The following NCAPH variants were observed in gnomAD, a reference collection of about 807,000 sequenced individuals.
NCAPH encodes the protein condensin complex subunit 2.
Under a neutral mutation model 85.5 loss-of-function variants are expected in NCAPH, and 38 were observed. The observed-to-expected ratio is 0.44, with a 90% CI of 0.34 to 0.58. The LOEUF (loss-of-function observed/expected upper bound fraction) is 0.58. Among genes scored for constraint, NCAPH ranks in the 20% least tolerant of loss-of-function variants. NCAPH has a pLI of 0.01. For missense variants in NCAPH, 789 were observed against 916.6 expected (o/e 0.86, Z 1.80); for synonymous variants, 301 against 335.1 (o/e 0.90, Z 1.11).
At position 96,364,567 on chromosome 2, in the gene NCAPH, C is replaced by T. The variant is rs752252143; in HGVS notation, c.1674C>T (p.Thr558=). 1.3e-5 allele frequency: 21 copies of T among 1,612,824 alleles called. No homozygotes were observed. Among genetic ancestry groups the T allele is most frequent in the Admixed American group, 3.3e-5 (2 of 60,008 alleles). The change falls in exon 13 of 18, where the codon ACC becomes ACT. Residue 558 remains threonine, a synonymous_variant. Transcript: ENST00000240423. ...ATGATTACAACAACCCTAACGACACCTCCAACTTTTGCCCTGGATTACAGG... is the reference window on the plus strand; with the variant it reads ...ATGATTACAACAACCCTAACGACACTTCCAACTTTTGCCCTGGATTACAGG... ...EDYDYNNPND[T]SNFCPGLQAA...
At chr2:96,371,131 C>T (rs1258957198) in intron 17 of NCAPH, among the ~76,000 whole-genome samples, 1 of 152,144 alleles carries the variant, frequency 6.6e-6, no homozygotes, top group Admixed American at 6.5e-5. Flanking sequence ...AGTGGCTCTG[C>T]TGAGGATATA....
chr2:96,336,766 C>G (rs1242371024), intron 1 of NCAPH, among the ~76,000 whole-genome samples: 2 of 152,148 alleles, frequency 1.3e-5, no homozygotes, highest in Non-Finnish European at 2.9e-5. Context: ...ATACCATTAT[C>G]ATATAGACCA....
At chr2:96,342,961 T>G in intron 4 of NCAPH, 113 bp downstream of exon 4, 1 of 1,148,670 alleles carries the variant, frequency 8.7e-7, no homozygotes, top group Non-Finnish European at 1.3e-6. Flanking sequence ...CATTTAGATG[T>G]TATGTTAGTT....
chr2:96,348,325 G>A (rs1419462630), intron 6 of NCAPH, among the ~76,000 whole-genome samples: 4 of 151,844 alleles, frequency 2.6e-5, no homozygotes, highest in Non-Finnish European at 5.9e-5. Flanking sequence ...GAGTAGCTGG[G>A]ACTACAGGCA....
At chr2:96,362,228 A>C (rs2064634326) in intron 12 of NCAPH, among the ~76,000 whole-genome samples, 1 of 150,492 alleles carries the variant, frequency 6.6e-6, no homozygotes, top group Non-Finnish European at 1.5e-5. Flanking sequence ...TCAGAAAAGC[A>C]AAACAAAAAA....
rs1203614949 is a variant in NCAPH, at chr2:96,354,173, G to A, written c.1003-10G>A. ...AATGAGAATTACAGAACCCTCTTTTGTCCCTCCAGTCTGTGTCGGCCCTGG... is the reference window on the plus strand; with the variant it reads ...AATGAGAATTACAGAACCCTCTTTTATCCCTCCAGTCTGTGTCGGCCCTGG... On this transcript the variant is annotated splice_polypyrimidine_tract_variant and intron_variant, in intron 8 of 17. Transcript: ENST00000240423. The A allele has an allele frequency of 6.2e-7, 1 of 1,611,712 alleles. No homozygotes were observed. Among genetic ancestry groups the A allele is most frequent in the Admixed American group, 1.7e-5 (1 of 59,814 alleles).
Position 96,346,544 on chromosome 2 carries a change from T to C in NCAPH, c.720+2315T>C, listed in dbSNP as rs543739605. ...AGGGACACTGGAGGAGGTGAGTGCA[T>C]GTGTAAAGGTGTGGTTGCATTCACT... is the stretch of plus-strand genomic sequence containing the variant. On this transcript the variant is annotated intron_variant, in intron 6 of 17. Coordinates refer to ENST00000240423, the MANE Select transcript of NCAPH (RefSeq NM_015341.5). Among the ~76,000 whole-genome samples, 4 of 152,066 alleles carry C rather than the reference T, an allele frequency of 2.6e-5. No homozygotes were observed. In the South Asian group the frequency reaches 8.3e-4, roughly 32 times the overall value.
intron 6 of NCAPH, among the ~76,000 whole-genome samples, chr2:96,345,256 AGTGGGG>A (rs1248557479): frequency 6.6e-6 from 1 of 152,152 alleles, no homozygotes; most frequent in Non-Finnish European, 1.5e-5. Flanking sequence ...ATGAGCTTGG[AGTGGGG>A]GCCCCTCTGA....
intron 11 of NCAPH, 92 bp from the exon 12 acceptor site, chr2:96,360,496 T>C (rs2064590652): frequency 2.8e-6 from 4 of 1,443,202 alleles, no homozygotes; most frequent in Non-Finnish European, 3.8e-6. Context: ...AGACTCATGC[T>C]GCCCAAACCC....
chr2:96,336,815 G>A (rs137962549), intron 1 of NCAPH, among the ~76,000 whole-genome samples: 4 of 152,312 alleles, frequency 2.6e-5, no homozygotes, highest in Non-Finnish European at 4.4e-5. Context: ...AGAACACTAG[G>A]AAGGCCCTGC....
chr2:96,341,806 A>G lies in NCAPH; in HGVS notation c.184A>G (p.Lys62Glu), dbSNP rs1440871534. Residue 62 changes from lysine to glutamate, a missense_variant, in exon 2 of 18, where the codon AAG becomes GAG. Coordinates refer to ENST00000240423, the MANE Select transcript of NCAPH (RefSeq NM_015341.5). ...AGACTTTCCTCAGAATGACGATGAGAAGGAGCGGCTGCAGCGGAGGCGCTC... is the reference window on the plus strand; with the variant it reads ...AGACTTTCCTCAGAATGACGATGAGGAGGAGCGGCTGCAGCGGAGGCGCTC... ...LEDFPQNDDE[K>E]ERLQRRRSRV... 6.2e-7 allele frequency: 1 copy of G among 1,614,070 alleles called. No individual in the cohort carries two copies. The highest frequency in any genetic ancestry group is 1.7e-5 in the Admixed American group (1 of 60,022).
In NCAPH at chr2:96,359,205, T is replaced by C. The variant is rs746992041; in HGVS notation, c.1357+12T>C. On this transcript the variant is annotated intron_variant, in intron 10 of 17. Transcript: ENST00000240423. Reference sequence around the variant, plus strand: ...GCCTCGACGCAAACGTATGTAATTCTAGGTGGAATTTTAAGAAAAGAAGTA... The same window carrying C: ...GCCTCGACGCAAACGTATGTAATTCCAGGTGGAATTTTAAGAAAAGAAGTA... The C allele has an allele frequency of 1.9e-5, 30 of 1,612,482 alleles. No individual in the cohort carries two copies. In the South Asian group the frequency reaches 3.2e-4, roughly 17 times the overall value.
Position 96,344,127 on chromosome 2 carries a change from A to G in NCAPH, c.618A>G (p.Gly206=). ...TAGATGGAAGTGCTACTGAAATGGGAACAACCAAAAAGGCTGTAAAGCCAA... is the reference window on the plus strand; with the variant it reads ...TAGATGGAAGTGCTACTGAAATGGGGACAACCAAAAAGGCTGTAAAGCCAA... ...HVADGSATEM[G]TTKKAVKPKK... is the part of the protein sequence containing the mutation. The change falls in exon 6 of 18, where the codon GGA becomes GGG. Residue 206 remains glycine (G), a synonymous_variant. Transcript: ENST00000240423. 1.2e-6 allele frequency: 2 copies of G among 1,613,112 alleles called. No individual in the cohort carries two copies. The highest frequency in any genetic ancestry group is 1.7e-6 in the Non-Finnish European group (2 of 1,179,744).
intron 17 of NCAPH, among the ~76,000 whole-genome samples, chr2:96,370,990 G>A (rs994756335): frequency 2.6e-5 from 4 of 152,342 alleles, no homozygotes; most frequent in South Asian, 2.1e-4. Context: ...AGACATGCCC[G>A]TGGTTATGGG....
intron 1 of NCAPH, among the ~76,000 whole-genome samples, chr2:96,338,241 G>GAAAA (rs34560390): frequency 9.9e-5 from 8 of 80,822 alleles, no homozygotes; most frequent in South Asian, 1.2e-3. Flanking sequence ...CTATTTTATT[G>GAAAA]AAAAAAAAAA....
At chr2:96,358,626 G>A (rs560601798) in intron 9 of NCAPH, among the ~76,000 whole-genome samples, 3 of 152,060 alleles carry the variant, frequency 2.0e-5, no homozygotes, top group Admixed American at 2.0e-4. Flanking sequence ...CCGCCACCAC[G>A]CCCGGCTAAT....
rs1386689569 is a variant in NCAPH, at chr2:96,369,022, C to T, written c.2049C>T (p.Asp683=). The change falls in exon 16 of 18, where the codon GAC becomes GAT. Residue 683 remains aspartate, a synonymous_variant. Coordinates refer to ENST00000240423, the MANE Select transcript of NCAPH (RefSeq NM_015341.5). ...AAGCGGCCCTGGCAGAAGTGGCTGA[C>T]GAGAAGATGCTTAGCGGGCTCACGA... ...GKEAALAEVA[D]EKMLSGLTKD... The T allele has an allele frequency of 3.2e-6, 5 of 1,556,478 alleles. No individual in the cohort carries two copies. The highest frequency in any genetic ancestry group is 2.4e-5 in the South Asian group (2 of 84,324).
chr2:96,341,739 C>T lies in NCAPH; in HGVS notation c.117C>T (p.Pro39=). The T allele has an allele frequency of 6.2e-7, 1 of 1,614,196 alleles. No homozygotes were observed. Reference sequence around the variant, plus strand: ...AGCGTGTGTTCCCGATGCCCCTGCCCAGGAAGGCGCCTCTCAATATTCCTG... The same window carrying T: ...AGCGTGTGTTCCCGATGCCCCTGCCTAGGAAGGCGCCTCTCAATATTCCTG... The part of the protein sequence containing the change: ...PSERVFPMPL[P]RKAPLNIPGT... Residue 39 remains proline (P), a synonymous_variant, in exon 2 of 18, where the codon CCC becomes CCT. Coordinates refer to ENST00000240423, the MANE Select transcript of NCAPH (RefSeq NM_015341.5).
At chr2:96,344,083 G>A (rs925063712) in intron 5 of NCAPH, 22 bp from the exon 6 acceptor site, 19 of 1,600,916 alleles carry the variant, frequency 1.2e-5, no homozygotes, top group South Asian at 6.8e-5. Context: ...CTTGCAGTAC[G>A]CAATTGTATT....
Sources: allele counts gnomAD v4.1 joint callset (sites outside exome capture counted in the v4.1 genomes callset), GRCh38; gene constraint gnomAD v4.1.1; transcripts MANE v1.5; gene names NCBI Gene and HGNC (gene_info 2026-07-23, HGNC 2026-07-21).